CTNND2: variants seen among roughly 807,000 people sequenced by gnomAD.
CTNND2 encodes catenin delta-2.
Under a neutral mutation model 144.4 loss-of-function variants are expected in CTNND2, and 22 were observed. The ratio of observed to expected loss-of-function variants is 0.15; its 90% CI spans 0.11 to 0.22. CTNND2 has a LOEUF of 0.22. Ranked by LOEUF, CTNND2 falls within the 10% of genes least tolerant of loss-of-function variation. The probability of loss-of-function intolerance (pLI) is 1.00; values close to 1 mark genes in which losing one functional copy is unlikely to be tolerated. For synonymous variants in CTNND2, 751 were observed against 695.6 expected (o/e 1.08, Z -1.25); for missense variants, 1,353 against 1,618.8 (o/e 0.84, Z 2.82).
At chr5:11,078,921 C>T (rs932457397) in intron 16 of CTNND2, among the ~76,000 whole-genome samples, 6 of 152,250 alleles carry the variant, frequency 3.9e-5, no homozygotes, top group African/African-American at 1.2e-4. Context: ...GCTTATTTCC[C>T]GCTGTATAAT....
chr5:11,003,423 T>C (rs770759838), intron 18 of CTNND2, among the ~76,000 whole-genome samples: 10 of 152,296 alleles, frequency 6.6e-5, no homozygotes, highest in Middle Eastern at 6.8e-3. Flanking sequence ...TTGTTCAAAA[T>C]TGTACCAGTT....
chr5:11,053,538 T>C (rs775015758), intron 16 of CTNND2, among the ~76,000 whole-genome samples: 1 of 152,182 alleles, frequency 6.6e-6, no homozygotes, highest in Admixed American at 6.5e-5. Context: ...ATTTAGACAG[T>C]GCAGCGCTAA....
chr5:11,361,021 T>C (rs1219000093), intron 8 of CTNND2, among the ~76,000 whole-genome samples: 1 of 152,082 alleles, frequency 6.6e-6, no homozygotes, highest in Non-Finnish European at 1.5e-5. Flanking sequence ...GAAAGTTTGT[T>C]TATTTATTTA....
rs559785094 is a variant in CTNND2 at position 11,325,700 on chromosome 5, C to G, written c.1628+20672G>C. 5.3e-5 allele frequency among the ~76,000 whole-genome samples: 8 copies of G among 152,186 alleles called. No individual in the cohort carries two copies. In the East Asian group the frequency reaches 1.2e-3, roughly 22 times the overall value. ...TTGAATTCCTGGCCTCATTATACCC[C>G]CTCCCTAGCTAACCACCATTAGGCT... On this transcript the variant is annotated intron_variant, in intron 9 of 21. Transcript: ENST00000304623.
intron 12 of CTNND2, among the ~76,000 whole-genome samples, chr5:11,123,542 T>G (rs913616743): frequency 6.6e-6 from 1 of 152,240 alleles, no homozygotes; most frequent in African/African-American, 2.4e-5. Context: ...CTGCTCTGGA[T>G]AGCTGGGCTC....
chr5:11,551,761 G>C (rs1415140183), intron 3 of CTNND2, among the ~76,000 whole-genome samples: 1 of 152,218 alleles, frequency 6.6e-6, no homozygotes, highest in South Asian at 2.1e-4. Context: ...TCCACATCCA[G>C]CTAATTTTTT....
intron 9 of CTNND2, among the ~76,000 whole-genome samples, chr5:11,249,410 T>C (rs1743341228): frequency 2.0e-5 from 3 of 152,152 alleles, no homozygotes; most frequent in Admixed American, 6.5e-5. Flanking sequence ...TTGTGTGTCT[T>C]GGGAAGATTC....
chr5:11,852,047 T>C (rs1795039883), intron 1 of CTNND2, among the ~76,000 whole-genome samples: 1 of 152,142 alleles, frequency 6.6e-6, no homozygotes, highest in African/African-American at 2.4e-5. Flanking sequence ...TTACGTCTCT[T>C]AACCACGCCA....
At chr5:10,989,892 A>C (rs1307316175) in intron 19 of CTNND2, among the ~76,000 whole-genome samples, 1 of 152,216 alleles carries the variant, frequency 6.6e-6, no homozygotes, top group Non-Finnish European at 1.5e-5. Flanking sequence ...ACCTATCAAA[A>C]TAAAATCACG....
chr5:11,723,980 G>A (rs963230261), intron 2 of CTNND2, among the ~76,000 whole-genome samples: 1 of 151,984 alleles, frequency 6.6e-6, no homozygotes, highest in Non-Finnish European at 1.5e-5. Context: ...GTGTGAACCC[G>A]GGAGGCGGAC....
chr5:11,291,873 C>T (rs996089812), intron 9 of CTNND2, among the ~76,000 whole-genome samples: 2 of 152,098 alleles, frequency 1.3e-5, no homozygotes, highest in Admixed American at 1.3e-4. Flanking sequence ...ATCATAGCCA[C>T]ATTTCTCTTC....
intron 1 of CTNND2, among the ~76,000 whole-genome samples, chr5:11,793,874 G>T (rs1791263478): frequency 6.6e-6 from 1 of 152,044 alleles, no homozygotes; most frequent in South Asian, 2.1e-4. Context: ...CTAACACTGG[G>T]GTTATTTATT....
intron 11 of CTNND2, among the ~76,000 whole-genome samples, chr5:11,197,906 T>C (rs1043221822): frequency 7.9e-5 from 12 of 152,330 alleles, no homozygotes; most frequent in Admixed American, 2.0e-4. Flanking sequence ...CAAATTCAAA[T>C]TGTAGTCAAA....
At chr5:11,305,205 C>T (rs1167483872) in intron 9 of CTNND2, among the ~76,000 whole-genome samples, 1 of 151,886 alleles carries the variant, frequency 6.6e-6, no homozygotes. Flanking sequence ...AGGGCAGGTA[C>T]TATTACCATC....
intron 2 of CTNND2, among the ~76,000 whole-genome samples, chr5:11,671,581 T>C (rs1783876182): frequency 6.6e-6 from 1 of 151,812 alleles, no homozygotes; most frequent in South Asian, 2.1e-4. Context: ...CTACTGATAT[T>C]TGTATATGCT....
chr5:10,998,528 G>A (rs1357180055), intron 18 of CTNND2, among the ~76,000 whole-genome samples: 1 of 152,104 alleles, frequency 6.6e-6, no homozygotes, highest in Non-Finnish European at 1.5e-5. Context: ...CTCATTCATC[G>A]ATGCAGAGTG....
In CTNND2 at chr5:10,988,739, T is replaced by C. The variant is rs189805119; in HGVS notation, c.3212-497A>G. Among the ~76,000 whole-genome samples, 1 of 152,046 alleles carries C rather than the reference T, an allele frequency of 6.6e-6. No homozygotes were observed. Among genetic ancestry groups the C allele is most frequent in the Non-Finnish European group, 1.5e-5 (1 of 68,004 alleles). ...CACTGAGTCACCTAGAAACTGCCTT[T>C]AAAAAAGTCAGAGGAAACAGCTCTC... On this transcript the variant is annotated intron_variant, in intron 19 of 21. Coordinates refer to ENST00000304623, the MANE Select transcript of CTNND2 (RefSeq NM_001332.4). This position sits in a 1 kb window ranked among gnomAD's most constrained non-coding sequence, Gnocchi z 5.9.
At chr5:11,101,925 T>G (rs1338726198) in intron 14 of CTNND2, among the ~76,000 whole-genome samples, 6 of 86,562 alleles carry the variant, frequency 6.9e-5, no homozygotes, top group South Asian at 3.8e-4. Flanking sequence ...GTGTGTGTGT[T>G]TACATCTTCA....
intron 16 of CTNND2, among the ~76,000 whole-genome samples, chr5:11,066,236 C>T (rs193244470): frequency 1.2e-3 from 186 of 152,266 alleles, no homozygotes; most frequent in Non-Finnish European, 2.1e-3. Context: ...GATGGGGTTC[C>T]ACCATGTTGG....
Sources: allele counts gnomAD v4.1 joint callset (sites outside exome capture counted in the v4.1 genomes callset), GRCh38; gene constraint gnomAD v4.1.1; non-coding constraint Gnocchi (gnomAD v3.1); transcripts MANE v1.5; gene names NCBI Gene and HGNC (gene_info 2026-07-23, HGNC 2026-07-21).